YTHDC1: variants seen among roughly 807,000 people sequenced by gnomAD.
YTHDC1 encodes YTH N6-methyladenosine RNA binding protein C1.
In YTHDC1, 12 loss-of-function variants were observed where a neutral mutation model predicts 107.0. The observed-to-expected ratio is 0.11, with a 90% confidence interval of 0.07 to 0.18. YTHDC1 has a LOEUF of 0.18. Ranked by LOEUF, YTHDC1 falls within the 10% of genes least tolerant of loss-of-function variation. The pLI, the probability that YTHDC1 is intolerant of heterozygous loss-of-function variation, is 1.00. For missense variants in YTHDC1, 635 were observed against 898.8 expected (o/e 0.71, Z 3.75); for synonymous variants, 280 against 289.5 (o/e 0.97, Z 0.33).
chr4:68,330,656 A>C (rs573190693), intron 7 of YTHDC1, among the ~76,000 whole-genome samples: 1 of 152,258 alleles, frequency 6.6e-6, no homozygotes, highest in East Asian at 1.9e-4. Flanking sequence ...TCCTGTTTGA[A>C]GGTGAATCGC....
At position 68,310,684 on chromosome 4, in the gene YTHDC1, C is replaced by T. The variant is rs1721240676; in HGVS notation, c.*3415G>A. ...CAAACTGCATTTGGAATGTTTCCTA[C>T]CCAAATAACAAAATCTTAAACATGA... On this transcript the variant is annotated 3_prime_UTR_variant, in exon 17 of 17. Coordinates refer to ENST00000344157, the MANE Select transcript of YTHDC1 (RefSeq NM_001031732.4). The T allele has an allele frequency of 6.6e-6, 1 of 152,096 alleles. No individual in the cohort carries two copies. The highest frequency in any genetic ancestry group is 1.5e-5 in the Non-Finnish European group (1 of 68,026). The allele number at this position is 152,096 out of a possible 1,614,324, so 9.4% of individuals were successfully genotyped here. A position where few individuals can be genotyped will look rare whatever the true frequency, so the allele number is the denominator to read the frequency against.
intron 1 of YTHDC1, among the ~76,000 whole-genome samples, chr4:68,345,831 T>C (rs1725346339): frequency 6.6e-6 from 1 of 152,038 alleles, no homozygotes; most frequent in Non-Finnish European, 1.5e-5. Flanking sequence ...GATGTTCAGA[T>C]ACACAAATAT....
At chr4:68,346,076 TAC>T (rs1221091394) in intron 1 of YTHDC1, among the ~76,000 whole-genome samples, 1 of 64,030 alleles carries the variant, frequency 1.6e-5, no homozygotes, top group Non-Finnish European at 3.0e-5. Flanking sequence ...ACTGTGTGTG[TAC>T]ATATATATAT....
rs1236134302 is a variant in YTHDC1 at position 68,310,607 on chromosome 4, G to A, written c.*3492C>T. 6.6e-6 allele frequency: 1 copy of A among 152,134 alleles called. No homozygotes were observed. Among genetic ancestry groups the A allele is most frequent in the Non-Finnish European group, 1.5e-5 (1 of 68,010 alleles). The allele number at this position is 152,134 out of a possible 1,614,324, so 9.4% of individuals were successfully genotyped here. ...CTATTCCTACTATAAGGAACTTGGG[G>A]ACTAAACTTGAGCCAGTTCTTTCCT... On this transcript the variant is annotated 3_prime_UTR_variant, in exon 17 of 17. Transcript: ENST00000344157.
chr4:68,320,051 G>A (rs1392131442), intron 12 of YTHDC1, 72 bp downstream of exon 12: 4 of 1,312,822 alleles, frequency 3.0e-6, no homozygotes, highest in Non-Finnish European at 4.2e-6. Flanking sequence ...GGATTGTGAG[G>A]GTTGTTTTTA....
chr4:68,331,377 T>C (rs544760052), intron 7 of YTHDC1, among the ~76,000 whole-genome samples: 6 of 152,220 alleles, frequency 3.9e-5, no homozygotes, highest in Admixed American at 3.3e-4. Flanking sequence ...TGTAAAGTTT[T>C]AGGGGTAGTC....
rs1722140919 is a variant in YTHDC1 at position 68,318,859 on chromosome 4, T to C, written c.1688A>G (p.Tyr563Cys). The change falls in exon 13 of 17, where the codon TAT (tyrosine) becomes TGT (cysteine). Residue 563 changes from tyrosine to cysteine, a missense_variant. Tyr to Cys is a radical substitution (Grantham distance 194). Coordinates refer to ENST00000344157, the MANE Select transcript of YTHDC1 (RefSeq NM_001031732.4). The part of the protein sequence containing the change: ...YPPEFHQRPG[Y>C]LKDPRYQEVD... ...TTCCTGGTATCGTGGATCCTTTAAATACCCTGTTCAAACATCAAGCATTTT... is the reference window on the plus strand; with the variant it reads ...TTCCTGGTATCGTGGATCCTTTAAACACCCTGTTCAAACATCAAGCATTTT... 1.2e-6 allele frequency: 2 copies of C among 1,614,122 alleles called. No homozygotes were observed. Among genetic ancestry groups the C allele is most frequent in the East Asian group, 4.5e-5 (2 of 44,860 alleles).
chr4:68,327,174 T>C (rs1043873968), intron 9 of YTHDC1, among the ~76,000 whole-genome samples: 2 of 151,650 alleles, frequency 1.3e-5, no homozygotes, highest in African/African-American at 4.8e-5. Flanking sequence ...AGGCGGAAGT[T>C]GTGGTGAGCC....
At chr4:68,339,904 C>G (rs1724629145) in intron 1 of YTHDC1, among the ~76,000 whole-genome samples, 1 of 152,108 alleles carries the variant, frequency 6.6e-6, no homozygotes, top group African/African-American at 2.4e-5. Context: ...CTACCTTGTC[C>G]AACAAGATAA....
chr4:68,349,839 G>A lies in YTHDC1; in HGVS notation c.-86C>T, dbSNP rs543933258. 2.5e-6 allele frequency: 4 copies of A among 1,591,838 alleles called. No homozygotes were observed. The highest frequency in any genetic ancestry group is 1.3e-5 in the African/African-American group (1 of 74,520). Reference sequence around the variant, plus strand: ...GCGCCGCAGCCGCGGCAGAAGCACGGGCCCGTCCGTCAGTCCGTCTGCCCG... The same window carrying A: ...GCGCCGCAGCCGCGGCAGAAGCACGAGCCCGTCCGTCAGTCCGTCTGCCCG... On this transcript the variant is annotated 5_prime_UTR_variant, in exon 1 of 17. Transcript: ENST00000344157.
intron 1 of YTHDC1, among the ~76,000 whole-genome samples, chr4:68,341,171 C>CA (rs1304110399): frequency 2.6e-5 from 4 of 152,044 alleles, no homozygotes; most frequent in Non-Finnish European, 5.9e-5. Context: ...TCCAGTTGAC[C>CA]AAATACACTT....
chr4:68,319,333 T>C (rs897435222), intron 12 of YTHDC1, among the ~76,000 whole-genome samples: 5 of 152,158 alleles, frequency 3.3e-5, no homozygotes, highest in African/African-American at 1.2e-4. Context: ...AAAATGAAGA[T>C]GTATACACTG....
rs1029123869 is a variant in YTHDC1, at chr4:68,311,471, T to C, written c.*2628A>G. Reference sequence around the variant, plus strand: ...TTCATCTGAACACATCATACTAATGTAGATTGTTAGAATCACAGCACAGTG... The same window carrying C: ...TTCATCTGAACACATCATACTAATGCAGATTGTTAGAATCACAGCACAGTG... On this transcript the variant is annotated 3_prime_UTR_variant, in exon 17 of 17. Transcript: ENST00000344157. 6.6e-6 allele frequency: 1 copy of C among 152,194 alleles called. No homozygotes were observed. Among genetic ancestry groups the C allele is most frequent in the Non-Finnish European group, 1.5e-5 (1 of 68,030 alleles). 9.4% of individuals were successfully genotyped at this position (152,194 alleles called of 1,614,324 possible). A position where few individuals can be genotyped will look rare whatever the true frequency, so the allele number is the denominator to read the frequency against.
Position 68,312,707 on chromosome 4 carries a change from T to C in YTHDC1, c.*1392A>G, listed in dbSNP as rs1017086900. On this transcript the variant is annotated 3_prime_UTR_variant, in exon 17 of 17. Coordinates refer to ENST00000344157, the MANE Select transcript of YTHDC1 (RefSeq NM_001031732.4). ...CTGTGTTGTTCTTTTCAGGCCAATA[T>C]AGATTAAATGTAAAACTGTACTATG... 1 of 152,182 alleles carries C rather than the reference T, an allele frequency of 6.6e-6. No individual in the cohort carries two copies. Among genetic ancestry groups the C allele is most frequent in the Non-Finnish European group, 1.5e-5 (1 of 68,030 alleles). 9.4% of individuals were successfully genotyped at this position (152,182 alleles called of 1,614,324 possible). A position where few individuals can be genotyped will look rare whatever the true frequency, so the allele number is the denominator to read the frequency against.
intron 1 of YTHDC1, among the ~76,000 whole-genome samples, chr4:68,338,834 G>C (rs1375019212): frequency 7.9e-5 from 12 of 152,186 alleles, no homozygotes; most frequent in African/African-American, 2.4e-4. Context: ...TGGGCGATAA[G>C]AGTGAGTTTC....
At chr4:68,343,559 AG>A in intron 1 of YTHDC1, among the ~76,000 whole-genome samples, 1 of 96,926 alleles carries the variant, frequency 1.0e-5, no homozygotes, top group East Asian at 2.8e-4. Flanking sequence ...TTTTTTTTTG[AG>A]ACAGTCTCAC....
intron 1 of YTHDC1, among the ~76,000 whole-genome samples, chr4:68,342,194 C>A (rs181872860): frequency 6.6e-6 from 1 of 152,262 alleles, no homozygotes; most frequent in East Asian, 1.9e-4. Flanking sequence ...CAACCGGGGT[C>A]TCCCATGTGG....
Position 68,312,066 on chromosome 4 carries a change from G to A in YTHDC1, c.*2033C>T, listed in dbSNP as rs1040759722. ...GGAGGCTGAGGCAGGAGGTTGCAGTGAGCCAAGATCATGCCACTGCCCTCC... is the reference window on the plus strand; with the variant it reads ...GGAGGCTGAGGCAGGAGGTTGCAGTAAGCCAAGATCATGCCACTGCCCTCC... On this transcript the variant is annotated 3_prime_UTR_variant, in exon 17 of 17. Coordinates refer to ENST00000344157, the MANE Select transcript of YTHDC1 (RefSeq NM_001031732.4). 1.3e-5 allele frequency: 2 copies of A among 152,182 alleles called. No homozygotes were observed. Among genetic ancestry groups the A allele is most frequent in the African/African-American group, 4.8e-5 (2 of 41,436 alleles). 9.4% of individuals were successfully genotyped at this position (152,182 alleles called of 1,614,324 possible).
intron 4 of YTHDC1, 48 bp downstream of exon 4, chr4:68,336,979 C>T: frequency 6.5e-7 from 1 of 1,528,674 alleles, no homozygotes; most frequent in Non-Finnish European, 8.8e-7. Context: ...AAGACTGAAA[C>T]CTATCAAGCT....
Sources: allele counts gnomAD v4.1 joint callset (sites outside exome capture counted in the v4.1 genomes callset), GRCh38; gene constraint gnomAD v4.1.1; transcripts MANE v1.5; gene names NCBI Gene and HGNC (gene_info 2026-07-23, HGNC 2026-07-21).